DMD: variants seen among roughly 807,000 people sequenced by gnomAD.
The protein encoded by DMD is dystrophin, also known as mutant dystrophin.
Under a neutral mutation model 330.1 loss-of-function variants are expected in DMD, and 63 were observed. The ratio of observed to expected loss-of-function variants is 0.19; its 90% CI spans 0.16 to 0.24. The LOEUF is 0.24. Ranked by LOEUF, DMD falls within the 10% of genes least tolerant of loss-of-function variation. The pLI is 1.00. For synonymous variants in DMD, 1,223 were observed against 959.8 expected, an observed-to-expected ratio of 1.27 and a Z score of -5.07; for missense variants, 3,344 against 2,684.1, an observed-to-expected ratio of 1.25 and a Z score of -5.43.
intron 2 of DMD, among the ~76,000 whole-genome samples, chrX:32,920,856 A>C (rs2088326672): frequency 8.9e-6 from 1 of 112,439 alleles, no homozygotes; most frequent in Non-Finnish European, 1.9e-5. Flanking sequence ...GTTCAGATAG[A>C]AAGTACCTAA....
intron 44 of DMD, among the ~76,000 whole-genome samples, chrX:31,997,399 G>A (rs1418100757): frequency 2.8e-5 from 3 of 107,378 alleles, no homozygotes; most frequent in Non-Finnish European, 5.8e-5. Context: ...ATTTCTGCAG[G>A]TGGGAACTAG....
chrX:32,097,271 C>A (rs1163904735), intron 44 of DMD, among the ~76,000 whole-genome samples: 1 of 110,499 alleles, frequency 9.0e-6, no homozygotes, highest in Non-Finnish European at 1.9e-5. Context: ...TCGCGACAGG[C>A]CTCGGTGTGT....
At chrX:31,222,115 G>A (rs765110512) in intron 64 of DMD, among the ~76,000 whole-genome samples, 9 of 111,050 alleles carry the variant, frequency 8.1e-5, no homozygotes, top group African/African-American at 2.6e-4. Context: ...AGAATGGCGT[G>A]AACCCGGGAG....
At chrX:32,745,152 GA>G (rs2069818083) in intron 7 of DMD, among the ~76,000 whole-genome samples, 1 of 111,942 alleles carries the variant, frequency 8.9e-6, no homozygotes. Context: ...TAATTGGCAA[GA>G]AAAAAGTAAT....
chrX:32,981,643 A>T (rs997595015), intron 2 of DMD, among the ~76,000 whole-genome samples: 2 of 111,661 alleles, frequency 1.8e-5, no homozygotes, highest in Non-Finnish European at 3.8e-5. Flanking sequence ...AACAAATATG[A>T]TGGATTATTT....
At chrX:32,058,951 A>T (rs2096202590) in intron 44 of DMD, among the ~76,000 whole-genome samples, 1 of 111,679 alleles carries the variant, frequency 9.0e-6, no homozygotes, top group Admixed American at 9.5e-5. Context: ...AATGTGGATG[A>T]ATCTTGTAGC....
chrX:31,690,982 G>A (rs1263347940), intron 52 of DMD, among the ~76,000 whole-genome samples: 4 of 110,330 alleles, frequency 3.6e-5, no homozygotes, highest in East Asian at 5.7e-4. Flanking sequence ...GTGAGGGGAC[G>A]GGGGAGGGAT....
intron 1 of DMD, among the ~76,000 whole-genome samples, chrX:33,088,135 C>T (rs1020094711): frequency 3.6e-5 from 4 of 111,095 alleles, no homozygotes; most frequent in East Asian, 2.8e-4. Context: ...TCACTGCAAC[C>T]TTTACCTCCC....
At chrX:32,575,410 G>T (rs1392708199) in intron 13 of DMD, among the ~76,000 whole-genome samples, 1 of 111,968 alleles carries the variant, frequency 8.9e-6, no homozygotes, top group African/African-American at 3.3e-5. Flanking sequence ...TCAGCATAAT[G>T]TAACTGTTAA....
chrX:31,119,509 A>G lies in DMD; in HGVS notation c.*2410T>C, dbSNP rs938448643. The stretch of plus-strand genomic sequence containing the variant: ...TTAATACTTGGTGGTTATAAAGAAC[A>G]CAACACGAAATAATGTCCAAATTAA... On this transcript the variant is annotated 3_prime_UTR_variant, in exon 79 of 79. Coordinates refer to ENST00000357033, the MANE Select transcript of DMD (RefSeq NM_004006.3). 8.9e-6 allele frequency: 1 copy of G among 112,677 alleles called. No homozygotes were observed. Among genetic ancestry groups the G allele is most frequent in the African/African-American group, 3.2e-5 (1 of 30,985 alleles). 9.3% of individuals were successfully genotyped at this position (112,677 alleles called of 1,213,427 possible).
chrX:32,715,438 C>G (rs1187479290), intron 7 of DMD, among the ~76,000 whole-genome samples: 1 of 88,657 alleles, frequency 1.1e-5, no homozygotes, highest in East Asian at 3.5e-4. Context: ...GATTGTGCCA[C>G]TGCACATCAG....
chrX:32,642,492 G>A (rs996960440), intron 11 of DMD, among the ~76,000 whole-genome samples: 8 of 111,832 alleles, frequency 7.2e-5, no homozygotes, highest in African/African-American at 2.6e-4. Flanking sequence ...TTCTCTAGTG[G>A]GATGGGGATG....
chrX:32,775,726 G>T (rs2148493017), intron 7 of DMD, among the ~76,000 whole-genome samples: 1 of 113,166 alleles, frequency 8.8e-6, no homozygotes, highest in Non-Finnish European at 1.9e-5. Flanking sequence ...GCCTGTGATG[G>T]AAGGGGCTGG....
At chrX:33,004,340 A>G (rs1314225119) in intron 2 of DMD, among the ~76,000 whole-genome samples, 2 of 111,576 alleles carry the variant, frequency 1.8e-5, no homozygotes, top group African/African-American at 6.5e-5. Flanking sequence ...TTCCTTGGCC[A>G]GGATGAAGTA....
At chrX:32,869,966 G>T (rs1023854350) in intron 2 of DMD, among the ~76,000 whole-genome samples, 14 of 110,148 alleles carry the variant, frequency 1.3e-4, no homozygotes, top group African/African-American at 4.6e-4. Context: ...TCTGGCCAGG[G>T]CAATCAGGCA....
intron 45 of DMD, among the ~76,000 whole-genome samples, chrX:31,967,384 C>T (rs2095361728): frequency 1.1e-5 from 1 of 94,683 alleles, no homozygotes; most frequent in Non-Finnish European, 2.1e-5. Context: ...TTATTTTGTA[C>T]AAAATATGAA....
chrX:31,431,123 C>T (rs2064040896), intron 60 of DMD, among the ~76,000 whole-genome samples: 1 of 110,005 alleles, frequency 9.1e-6, no homozygotes. Flanking sequence ...TTTATATTTC[C>T]TCAGTGTCAC....
At chrX:32,607,780 G>T (rs1256120496) in intron 12 of DMD, among the ~76,000 whole-genome samples, 2 of 110,253 alleles carry the variant, frequency 1.8e-5, no homozygotes, top group African/African-American at 6.5e-5. Flanking sequence ...ATTTTAAAAT[G>T]TTTTTTATAA....
chrX:32,307,291 T>A (rs191200192), intron 42 of DMD, among the ~76,000 whole-genome samples: 1 of 111,255 alleles, frequency 9.0e-6, no homozygotes, highest in Admixed American at 9.5e-5. Flanking sequence ...GAATTTTGGG[T>A]CAGAGCATAA....
Sources: gnomAD v4.1 joint callset for allele counts (sites outside exome capture counted in the v4.1 genomes callset) on GRCh38, gnomAD v4.1.1 for gene constraint, MANE v1.5 for transcripts, NCBI Gene and HGNC (gene_info 2026-07-23, HGNC 2026-07-21) for gene names.